Variants in PTPRT observed in about 807,000 individuals in gnomAD.
The protein encoded by PTPRT is receptor-type tyrosine-protein phosphatase T.
Under a neutral mutation model 176.8 loss-of-function variants are expected in PTPRT, and 56 were observed. The observed-to-expected ratio is 0.32, with a 90% CI of 0.26 to 0.40. The LOEUF is 0.40. Ranked by LOEUF, PTPRT falls within the 10% of genes least tolerant of loss-of-function variation. PTPRT has a pLI of 1.00. For synonymous variants in PTPRT, 783 were observed against 739.0 expected, an observed-to-expected ratio of 1.06 and a Z score of -0.96; for missense variants, 1,540 against 1,908.2, an observed-to-expected ratio of 0.81 and a Z score of 3.60.
At chr20:43,012,268 C>G (rs920195802) in intron 1 of PTPRT, among the ~76,000 whole-genome samples, 2 of 152,168 alleles carry the variant, frequency 1.3e-5, no homozygotes, top group Non-Finnish European at 2.9e-5. Flanking sequence ...AATTCTCACA[C>G]ATGCTGTAAC....
At chr20:42,971,626 C>T (rs958259516) in intron 1 of PTPRT, 9 of 152,120 alleles carry the variant, frequency 5.9e-5, no homozygotes, top group East Asian at 1.9e-4. Flanking sequence ...AGTATATTCT[C>T]GCTTCAACTA....
chr20:42,135,545 T>C (rs745701836), intron 18 of PTPRT, among the ~76,000 whole-genome samples: 1 of 152,196 alleles, frequency 6.6e-6, no homozygotes, highest in African/African-American at 2.4e-5. Flanking sequence ...CAATGTTTAG[T>C]GACTTAGTGC....
chr20:43,175,156 TC>T (rs2015095755), intron 1 of PTPRT, among the ~76,000 whole-genome samples: 1 of 152,198 alleles, frequency 6.6e-6, no homozygotes, highest in Admixed American at 6.5e-5. Context: ...CGAGGAAGTC[TC>T]CTCCATGGAG....
chr20:42,585,881 T>G (rs972072210), intron 7 of PTPRT, among the ~76,000 whole-genome samples: 2 of 152,200 alleles, frequency 1.3e-5, no homozygotes, highest in Non-Finnish European at 2.9e-5. Context: ...TGTAACAATA[T>G]GTAACATGTC....
chr20:42,417,170 A>G (rs2179217), intron 9 of PTPRT, among the ~76,000 whole-genome samples: 126,854 of 152,124 alleles, frequency 0.83, 53,117 homozygotes, highest in Admixed American at 0.87. Context: ...TTACAGTATG[A>G]AGTCTTGGAT....
intron 1 of PTPRT, among the ~76,000 whole-genome samples, chr20:42,910,115 C>T (rs552197636): frequency 6.6e-6 from 1 of 152,240 alleles, no homozygotes; most frequent in Admixed American, 6.5e-5. Flanking sequence ...CACATGAAGC[C>T]CCAGGCCACA....
chr20:42,519,682 T>C (rs6102887), intron 7 of PTPRT, among the ~76,000 whole-genome samples: 1,686 of 152,180 alleles, frequency 0.011, 27 homozygotes, highest in African/African-American at 0.039. Flanking sequence ...ATTAATTGAG[T>C]CCTTATTTGA....
rs796591407 is a variant in PTPRT, at chr20:42,322,655, A to C, written c.1866-6659T>G. Among the ~76,000 whole-genome samples, 648 of 151,650 alleles carry C rather than the reference A, an allele frequency of 4.3e-3. 10 individuals are homozygous for C. The South Asian group carries it at 0.048, about 11-fold the overall frequency. On this transcript the variant is annotated intron_variant, in intron 11 of 30. Transcript: ENST00000373187. ...AATGTTAGACCTAAAACCATAAAAA[A>C]CCTAGAAGAAAACCTAGGCATTACC...
intron 2 of PTPRT, among the ~76,000 whole-genome samples, chr20:42,802,070 C>T (rs1340487435): frequency 2.0e-5 from 3 of 152,226 alleles, no homozygotes; most frequent in Non-Finnish European, 2.9e-5. Flanking sequence ...GTTCCCAAAT[C>T]GCAGTGTGCA....
intron 14 of PTPRT, among the ~76,000 whole-genome samples, chr20:42,240,741 A>G (rs1478682743): frequency 1.3e-5 from 2 of 151,910 alleles, no homozygotes; most frequent in African/African-American, 4.8e-5. Flanking sequence ...CCACCCACCC[A>G]TCATCCATTT....
At chr20:42,746,558 G>T (rs2076693522) in intron 6 of PTPRT, among the ~76,000 whole-genome samples, 1 of 151,946 alleles carries the variant, frequency 6.6e-6, no homozygotes, top group African/African-American at 2.4e-5. Flanking sequence ...CTAACACAAG[G>T]CAGAATCAGG....
chr20:42,532,651 T>C (rs1464291118), intron 7 of PTPRT, among the ~76,000 whole-genome samples: 1 of 152,180 alleles, frequency 6.6e-6, no homozygotes, highest in Non-Finnish European at 1.5e-5. Flanking sequence ...TGTGTAGTAC[T>C]TCCACCTTGG....
At chr20:42,371,981 A>G (rs2058593130) in intron 9 of PTPRT, among the ~76,000 whole-genome samples, 1 of 152,184 alleles carries the variant, frequency 6.6e-6, no homozygotes, top group African/African-American at 2.4e-5. Context: ...AGTTTTAGCA[A>G]GACTTCTCTA....
rs371008214 is a variant in PTPRT, at chr20:42,756,430, T to C, written c.859+32A>G. ...AAGGCCCATTAATGCCAACCTTCCATGGCAGTAGAGGCGCAGGCTGGAGGC... is the reference window on the plus strand; with the variant it reads ...AAGGCCCATTAATGCCAACCTTCCACGGCAGTAGAGGCGCAGGCTGGAGGC... On this transcript the variant is annotated intron_variant, in intron 6 of 30. Transcript: ENST00000373187. 1.4e-5 allele frequency: 21 copies of C among 1,493,536 alleles called. No individual in the cohort carries two copies. The African/African-American group carries it at 1.5e-4, about 11-fold the overall frequency. 92.5% of individuals were successfully genotyped at this position (1,493,536 alleles called of 1,614,324 possible).
At chr20:42,487,738 C>A (rs1358757476) in intron 7 of PTPRT, among the ~76,000 whole-genome samples, 2 of 152,120 alleles carry the variant, frequency 1.3e-5, no homozygotes, top group Non-Finnish European at 2.9e-5. Context: ...GCCCTGCAGA[C>A]CTATCTCAGA....
intron 1 of PTPRT, among the ~76,000 whole-genome samples, chr20:42,997,251 C>G (rs994698677): frequency 2.6e-5 from 4 of 152,128 alleles, no homozygotes; most frequent in Admixed American, 2.6e-4. Flanking sequence ...CCCCTTGAAC[C>G]TGGTTGTGAC....
intron 9 of PTPRT, among the ~76,000 whole-genome samples, chr20:42,366,788 G>A (rs1346243899): frequency 6.6e-6 from 1 of 152,154 alleles, no homozygotes; most frequent in East Asian, 1.9e-4. Context: ...AGCTGATTGC[G>A]AAGGCTATAA....
chr20:42,662,270 G>A (rs572432745), intron 7 of PTPRT, among the ~76,000 whole-genome samples: 24 of 152,256 alleles, frequency 1.6e-4, no homozygotes, highest in African/African-American at 5.3e-4. Flanking sequence ...GAGAGAAAGT[G>A]AGCCCCTAGG....
intron 7 of PTPRT, among the ~76,000 whole-genome samples, chr20:42,633,408 T>C (rs1569036625): frequency 6.6e-6 from 1 of 152,072 alleles, no homozygotes; most frequent in Non-Finnish European, 1.5e-5. Flanking sequence ...TTAAGAAATG[T>C]ACACTGCATA....
Sources: gnomAD v4.1 joint callset for allele counts (sites outside exome capture counted in the v4.1 genomes callset) on GRCh38, gnomAD v4.1.1 for gene constraint, MANE v1.5 for transcripts, NCBI Gene and HGNC (gene_info 2026-07-23, HGNC 2026-07-21) for gene names.